ACTR3B: variants seen among roughly 807,000 people sequenced by gnomAD.
The protein encoded by ACTR3B is actin-related protein 3B.
ACTR3B carries 8 observed loss-of-function variants against 59.0 expected under a neutral mutation model. That is an observed-to-expected ratio of 0.14 (90% CI 0.08 to 0.24). The LOEUF (loss-of-function observed/expected upper bound fraction) is 0.24, where lower values mean the gene tolerates loss of function less well. Among genes scored for constraint, ACTR3B ranks in the 10% least tolerant of loss-of-function variants. The probability of loss-of-function intolerance (pLI) is 1.00; values close to 1 mark genes in which losing one functional copy is unlikely to be tolerated. For synonymous variants in ACTR3B, 148 were observed against 197.9 expected, an observed-to-expected ratio of 0.75 and a Z score of 2.12; for missense variants, 245 against 552.3, an observed-to-expected ratio of 0.44 and a Z score of 5.58.
At chr7:152,764,449 C>T (rs902773901) in intron 1 of ACTR3B, among the ~76,000 whole-genome samples, 3 of 151,556 alleles carry the variant, frequency 2.0e-5, no homozygotes, top group Non-Finnish European at 2.9e-5. Flanking sequence ...CTGGCTAACA[C>T]GGTGAAACCC....
At chr7:152,792,082 G>A (rs2098198454) in intron 2 of ACTR3B, among the ~76,000 whole-genome samples, 1 of 152,020 alleles carries the variant, frequency 6.6e-6, no homozygotes, top group Non-Finnish European at 1.5e-5. Flanking sequence ...AGTAGAGATG[G>A]GTTTTCACCA....
chr7:152,787,912 GATT>G (rs575440470), intron 2 of ACTR3B, among the ~76,000 whole-genome samples: 2 of 151,354 alleles, frequency 1.3e-5, no homozygotes, highest in South Asian at 2.1e-4. Flanking sequence ...ATGGGGTTTT[GATT>G]ATTATTATTA....
At position 152,845,113 on chromosome 7, in the gene ACTR3B, G is replaced by A. The variant is rs182048821; in HGVS notation, c.952-7013G>A. Among the ~76,000 whole-genome samples the A allele has an allele frequency of 1.9e-3, 286 of 149,352 alleles. 3 individuals are homozygous for A. Among genetic ancestry groups the A allele is most frequent in the Middle Eastern group, 3.4e-3 (1 of 292 alleles). The stretch of plus-strand genomic sequence containing the variant: ...CAACTGTGAGTGTCTTAATCGACTC[G>A]GTTTAGGGACTTTTGTTTTCTTCAA... On this transcript the variant is annotated intron_variant, in intron 9 of 11. Coordinates refer to ENST00000256001, the MANE Select transcript of ACTR3B (RefSeq NM_020445.6).
intron 10 of ACTR3B, 89 bp downstream of exon 10, chr7:152,852,340 C>T (rs1257105809): frequency 3.4e-6 from 5 of 1,464,400 alleles, no homozygotes; most frequent in East Asian, 4.6e-5. Context: ...AGGAGCTTGT[C>T]TGGGCCGCGT....
At position 152,759,773 on chromosome 7, in the gene ACTR3B, G is replaced by A; in HGVS notation, c.-110G>A. On this transcript the variant is annotated 5_prime_UTR_variant, in exon 1 of 12. Coordinates refer to ENST00000256001, the MANE Select transcript of ACTR3B (RefSeq NM_020445.6). ...GAGCATCCGGGCTCCCGGCAGCGGC[G>A]CTGCGGCGGCTCGCGGGAGACGCTG... is the stretch of plus-strand genomic sequence containing the variant. 3 of 881,398 alleles carry A rather than the reference G, an allele frequency of 3.4e-6. No individual in the cohort carries two copies. The highest frequency in any genetic ancestry group is 5.2e-5 in the South Asian group (1 of 19,366). 54.6% of individuals were successfully genotyped at this position (881,398 alleles called of 1,614,324 possible). A position where few individuals can be genotyped will look rare whatever the true frequency, so the allele number is the denominator to read the frequency against.
intron 1 of ACTR3B, among the ~76,000 whole-genome samples, chr7:152,782,573 G>C (rs1386400271): frequency 3.3e-5 from 5 of 152,078 alleles, no homozygotes; most frequent in Admixed American, 6.6e-5. Context: ...AGATGCTCTT[G>C]TCAGATGATT....
At chr7:152,811,747 CAT>C (rs1476806999) in intron 4 of ACTR3B, 1 of 151,954 alleles carries the variant, frequency 6.6e-6, no homozygotes, top group South Asian at 2.1e-4. Flanking sequence ...GGTATTGCCA[CAT>C]GTTCTTGCCT....
chr7:152,797,368 A>G (rs1205261142), intron 2 of ACTR3B, among the ~76,000 whole-genome samples: 2 of 152,204 alleles, frequency 1.3e-5, no homozygotes, highest in South Asian at 2.1e-4. Flanking sequence ...TGCATGAGCC[A>G]TGAGCCACCA....
chr7:152,792,443 A>T (rs950810704), intron 2 of ACTR3B, among the ~76,000 whole-genome samples: 27 of 149,656 alleles, frequency 1.8e-4, no homozygotes, highest in Non-Finnish European at 3.3e-4. Flanking sequence ...ATATTTATTT[A>T]TTTTTTTTTA....
chr7:152,765,273 A>G (rs1437387095), intron 1 of ACTR3B, among the ~76,000 whole-genome samples: 1 of 151,946 alleles, frequency 6.6e-6, no homozygotes, highest in South Asian at 2.1e-4. Flanking sequence ...ATGCGCCACT[A>G]TGCCCGGCTA....
intron 2 of ACTR3B, among the ~76,000 whole-genome samples, chr7:152,795,846 G>GT (rs1211375355): frequency 0.21 from 29,959 of 139,660 alleles, 5,591 homozygotes; most frequent in African/African-American, 0.51. Context: ...AGTAGCTCTT[G>GT]TTTTTTTTTT....
intron 4 of ACTR3B, among the ~76,000 whole-genome samples, chr7:152,806,324 A>G (rs2098251973): frequency 6.6e-6 from 1 of 152,234 alleles, no homozygotes; most frequent in Non-Finnish European, 1.5e-5. Context: ...AATAACGTCG[A>G]TTTTGATTCA....
At chr7:152,829,165 C>G (rs1796828683) in intron 9 of ACTR3B, among the ~76,000 whole-genome samples, 1 of 151,972 alleles carries the variant, frequency 6.6e-6, no homozygotes, top group Non-Finnish European at 1.5e-5. Context: ...CACAATCAAG[C>G]TAATGAAGAC....
At chr7:152,784,407 C>T (rs1169138728) in intron 2 of ACTR3B, among the ~76,000 whole-genome samples, 2 of 152,104 alleles carry the variant, frequency 1.3e-5, no homozygotes, top group African/African-American at 2.4e-5. Flanking sequence ...CACTAGAAAG[C>T]GGACTCCAGA....
At chr7:152,773,583 T>G (rs1050409997) in intron 1 of ACTR3B, among the ~76,000 whole-genome samples, 18 of 151,176 alleles carry the variant, frequency 1.2e-4, no homozygotes, top group African/African-American at 4.4e-4. Flanking sequence ...TGACTCTGTC[T>G]CTAAAAAAAA....
intron 9 of ACTR3B, among the ~76,000 whole-genome samples, chr7:152,843,140 G>C (rs1797995274): frequency 6.6e-6 from 1 of 151,900 alleles, no homozygotes; most frequent in Non-Finnish European, 1.5e-5. Context: ...CTAGTCTGTG[G>C]CTTGTCTTTT....
intron 9 of ACTR3B, among the ~76,000 whole-genome samples, chr7:152,830,215 G>T (rs1006210131): frequency 6.6e-6 from 1 of 152,196 alleles, no homozygotes; most frequent in Non-Finnish European, 1.5e-5. Context: ...GATAATGAGC[G>T]CAGATAGAAG....
chr7:152,817,452 C>T (rs189219931), intron 6 of ACTR3B, among the ~76,000 whole-genome samples: 5 of 152,080 alleles, frequency 3.3e-5, no homozygotes, highest in South Asian at 2.1e-4. Context: ...TCTGCAATGC[C>T]GCTTTTTGGT....
rs574868827 is a variant in ACTR3B, at chr7:152,769,831, C to T, written c.44+9905C>T. ...ATTATGAAATTAGCTTGCATCTCTTCTTCCTCTCTCCCTTTCTCCGTTTCA... is the reference window on the plus strand; with the variant it reads ...ATTATGAAATTAGCTTGCATCTCTTTTTCCTCTCTCCCTTTCTCCGTTTCA... On this transcript the variant is annotated intron_variant, in intron 1 of 11. Transcript: ENST00000256001. Among the ~76,000 whole-genome samples the T allele has an allele frequency of 8.0e-5, 12 of 149,822 alleles. No individual in the cohort carries two copies. In the East Asian group the frequency reaches 2.3e-3, roughly 29 times the overall value.
Sources: allele counts gnomAD v4.1 joint callset (sites outside exome capture counted in the v4.1 genomes callset), GRCh38; gene constraint gnomAD v4.1.1; transcripts MANE v1.5; gene names NCBI Gene and HGNC (gene_info 2026-07-23, HGNC 2026-07-21).